NFIB: variants seen among roughly 807,000 people sequenced by gnomAD.
The protein encoded by NFIB is nuclear factor 1 B-type.
In NFIB, 11 loss-of-function variants were observed where a neutral mutation model predicts 61.5. The observed-to-expected ratio is 0.18, with a 90% confidence interval of 0.11 to 0.30. The LOEUF is 0.30. Ranked by LOEUF, NFIB falls within the 10% of genes least tolerant of loss-of-function variation. The pLI is 1.00. For missense variants in NFIB, 471 were observed against 608.9 expected, an observed-to-expected ratio of 0.77 and a Z score of 2.38; for synonymous variants, 260 against 216.5, an observed-to-expected ratio of 1.20 and a Z score of -1.76.
intron 2 of NFIB, chr9:14,204,408 T>C: frequency 8.8e-7 from 1 of 1,132,704 alleles, no homozygotes. Context: ...CTCGCCCGCT[T>C]TGTGAAATGG....
chr9:14,299,874 T>C (rs564668470), intron 2 of NFIB, among the ~76,000 whole-genome samples: 7 of 152,342 alleles, frequency 4.6e-5, no homozygotes, highest in East Asian at 1.9e-4. Context: ...TTTAAAAATG[T>C]GTGGCTTTCA....
chr9:14,469,753 T>C, the NFIB span, among the ~76,000 whole-genome samples: 11 of 152,182 alleles, frequency 7.2e-5, no homozygotes, highest in Non-Finnish European at 1.2e-4. Context: ...TCCTCTCCTA[T>C]ATACTTGTTA....
intron 6 of NFIB, among the ~76,000 whole-genome samples, chr9:14,129,119 G>C (rs974958072): frequency 1.3e-5 from 2 of 152,030 alleles, no homozygotes; most frequent in Admixed American, 6.6e-5. Flanking sequence ...TGCTGTTCAA[G>C]TTGCAAAAGG....
intron 6 of NFIB, among the ~76,000 whole-genome samples, chr9:14,133,570 T>C (rs2040656094): frequency 6.6e-6 from 1 of 152,104 alleles, no homozygotes; most frequent in South Asian, 2.1e-4. Context: ...AAGGAAACAG[T>C]TTGGGCTCTG....
intron 1 of NFIB, among the ~76,000 whole-genome samples, chr9:14,359,157 A>G (rs1350414296): frequency 6.6e-6 from 1 of 152,190 alleles, no homozygotes; most frequent in Non-Finnish European, 1.5e-5. Context: ...GGAGATTGTT[A>G]AACTGGCAGC....
chr9:14,084,283 T>C lies in NFIB; in HGVS notation c.*4026A>G, dbSNP rs1168170160. 3 of 203,220 alleles carry C rather than the reference T, an allele frequency of 1.5e-5. No individual in the cohort carries two copies. Among genetic ancestry groups the C allele is most frequent in the African/African-American group, 2.3e-5 (1 of 43,602 alleles). 12.6% of individuals were successfully genotyped at this position (203,220 alleles called of 1,614,324 possible). A position where few individuals can be genotyped will look rare whatever the true frequency, so the allele number is the denominator to read the frequency against. On this transcript the variant is annotated 3_prime_UTR_variant, in exon 11 of 11. Coordinates refer to ENST00000380953, the MANE Select transcript of NFIB (RefSeq NM_001190737.2). ...TGTTAAAAAGTTAGCTTTACAAACA[T>C]GGGAATTTTAATTTAAAAAAAATTC...
chr9:14,087,280 G>C lies in NFIB; in HGVS notation c.*1029C>G, dbSNP rs940636133. ...TTTTCTCAAGCACATGATTTGTCTT[G>C]ATTTAATGCCTTTTTAATGCCCTCA... On this transcript the variant is annotated 3_prime_UTR_variant, in exon 11 of 11. Coordinates refer to ENST00000380953, the MANE Select transcript of NFIB (RefSeq NM_001190737.2). The C allele has an allele frequency of 1.5e-5, 3 of 204,970 alleles. No individual in the cohort carries two copies. The highest frequency in any genetic ancestry group is 4.6e-5 in the African/African-American group (2 of 43,686). The allele number at this position is 204,970 out of a possible 1,614,324, so 12.7% of individuals were successfully genotyped here.
the NFIB span, among the ~76,000 whole-genome samples, chr9:14,469,874 TA>T: frequency 1.3e-5 from 2 of 152,218 alleles, no homozygotes; most frequent in Non-Finnish European, 2.9e-5. Flanking sequence ...ACACTGTGTC[TA>T]GGTGACTTTT....
chr9:14,266,380 C>T (rs981542236), intron 2 of NFIB, among the ~76,000 whole-genome samples: 2 of 151,964 alleles, frequency 1.3e-5, no homozygotes, highest in Admixed American at 6.6e-5. Flanking sequence ...CGCTTGAGTC[C>T]AGGAGCTCAA....
chr9:14,306,278 T>C (rs1175298539), intron 2 of NFIB, among the ~76,000 whole-genome samples: 1 of 152,056 alleles, frequency 6.6e-6, no homozygotes, highest in Non-Finnish European at 1.5e-5. Context: ...GTTTTATGAA[T>C]TTACATACAA....
chr9:14,345,437 C>T (rs1266691993), intron 1 of NFIB, among the ~76,000 whole-genome samples: 1 of 152,130 alleles, frequency 6.6e-6, no homozygotes, highest in Non-Finnish European at 1.5e-5. Context: ...CTTAAAATCT[C>T]CCAGTGAAAT....
intron 1 of NFIB, among the ~76,000 whole-genome samples, chr9:14,392,738 G>C (rs1163881195): frequency 6.6e-6 from 1 of 151,898 alleles, no homozygotes; most frequent in East Asian, 1.9e-4. Context: ...AAGAAAAAGA[G>C]ATTATTAAGA....
chr9:14,524,845 C>T, the NFIB span, among the ~76,000 whole-genome samples: 5 of 152,148 alleles, frequency 3.3e-5, no homozygotes, highest in African/African-American at 1.2e-4. Flanking sequence ...TTCATCCACC[C>T]ATGTTTAATA....
At chr9:14,442,109 A>G in the NFIB span, among the ~76,000 whole-genome samples, 595 of 152,264 alleles carry the variant, frequency 3.9e-3, 9 homozygotes, top group Admixed American at 0.031. Context: ...AGGATCACAC[A>G]GGCAGAGCTG....
intron 2 of NFIB, among the ~76,000 whole-genome samples, chr9:14,302,140 T>C (rs2059784660): frequency 6.6e-6 from 1 of 152,350 alleles, no homozygotes; most frequent in South Asian, 2.1e-4. Flanking sequence ...TTTCCCATAA[T>C]GGGAAATACC....
upstream of NFIB, chr9:14,314,287 G>A (rs2060437468): frequency 2.4e-6 from 1 of 408,808 alleles, no homozygotes; most frequent in East Asian, 1.3e-4. Flanking sequence ...CCCGGCAGCA[G>A]CAGCCGCCGC....
chr9:14,376,326 C>T (rs915849754), intron 1 of NFIB, among the ~76,000 whole-genome samples: 1 of 152,084 alleles, frequency 6.6e-6, no homozygotes, highest in African/African-American at 2.4e-5. Flanking sequence ...AAAAAGTTAA[C>T]ATTTTGGAAT....
the NFIB span, among the ~76,000 whole-genome samples, chr9:14,496,902 C>T: frequency 6.6e-6 from 1 of 152,226 alleles, no homozygotes; most frequent in Non-Finnish European, 1.5e-5. Flanking sequence ...GTTTGTGACA[C>T]ACCAATAATG....
At chr9:14,191,782 A>G (rs2047978882) in intron 2 of NFIB, among the ~76,000 whole-genome samples, 1 of 152,182 alleles carries the variant, frequency 6.6e-6, no homozygotes, top group African/African-American at 2.4e-5. Context: ...CTGCAGACTC[A>G]TCTCCCATGC....
Sources: allele counts gnomAD v4.1 joint callset (sites outside exome capture counted in the v4.1 genomes callset), GRCh38; gene constraint gnomAD v4.1.1; transcripts MANE v1.5; gene names NCBI Gene and HGNC (gene_info 2026-07-23, HGNC 2026-07-21).